The following ULK4 variants were observed in gnomAD, a reference collection of about 807,000 sequenced individuals.
ULK4 encodes the protein inactive serine/threonine-protein kinase ULK4.
Under a neutral mutation model 160.6 loss-of-function variants are expected in ULK4, and 133 were observed. That is an observed-to-expected ratio of 0.83 (90% CI 0.72 to 0.96). The LOEUF (loss-of-function observed/expected upper bound fraction) is 0.96, where lower values mean the gene tolerates loss of function less well. Among genes scored for constraint, ULK4 ranks in the 40% least tolerant of loss-of-function variants. ULK4 has a pLI of 0.00. For synonymous variants in ULK4, 534 were observed against 539.8 expected, an observed-to-expected ratio of 0.99 and a Z score of 0.15; for missense variants, 1,580 against 1,499.5, an observed-to-expected ratio of 1.05 and a Z score of -0.89.
At chr3:41,499,288 G>A (rs1225142279) in intron 32 of ULK4, among the ~76,000 whole-genome samples, 1 of 151,694 alleles carries the variant, frequency 6.6e-6, no homozygotes, top group Non-Finnish European at 1.5e-5. Context: ...ATAGACAACA[G>A]AGCTTCTTTA....
At chr3:41,323,099 G>A (rs1280836233) in intron 35 of ULK4, among the ~76,000 whole-genome samples, 6 of 151,938 alleles carry the variant, frequency 3.9e-5, no homozygotes, top group Non-Finnish European at 8.8e-5. Context: ...CACCATGCCC[G>A]GCTAATTTTG....
rs1165077494 is a variant in ULK4, at chr3:41,929,635, C to T, written c.541+2209G>A. ...TCCTAAAGCTGATAAGCAACTTCAG[C>T]AAAGTCTCAGGATACAACATCAATG... On this transcript the variant is annotated intron_variant, in intron 5 of 36. Coordinates refer to ENST00000301831, the MANE Select transcript of ULK4 (RefSeq NM_017886.4). Among the ~76,000 whole-genome samples the T allele has an allele frequency of 2.0e-5, 3 of 152,164 alleles. No individual in the cohort carries two copies. In the East Asian group the frequency reaches 5.8e-4, roughly 29 times the overall value.
At chr3:41,756,284 C>T (rs1352859463) in intron 21 of ULK4, among the ~76,000 whole-genome samples, 4 of 152,282 alleles carry the variant, frequency 2.6e-5, no homozygotes, top group Admixed American at 1.3e-4. Context: ...TTACTACAAT[C>T]GGCTTTATCT....
chr3:41,917,851 G>A (rs556569761), intron 7 of ULK4, among the ~76,000 whole-genome samples: 20 of 152,126 alleles, frequency 1.3e-4, no homozygotes, highest in Non-Finnish European at 1.6e-4. Context: ...GCCGGGTGCC[G>A]TGGTGGGCAC....
At position 41,962,012 on chromosome 3, in the gene ULK4, G is replaced by C. The variant is rs9868854; in HGVS notation, c.-49+4C>G. 0.057 allele frequency: 8,649 copies of C among 152,446 alleles called. 450 individuals carry two copies. Among genetic ancestry groups the C allele is most frequent in the East Asian group, 0.17 (855 of 5,172 alleles). 9.4% of individuals were successfully genotyped at this position (152,446 alleles called of 1,614,324 possible). On this transcript the variant is annotated splice_donor_region_variant and intron_variant, in intron 1 of 36. Transcript: ENST00000301831. ...TAGCTACTAAAACCGCCACTGCCAC[G>C]CACCTGGTAGCTAAGTCAAGAAAAG... is the stretch of plus-strand genomic sequence containing the variant.
intron 30 of ULK4, among the ~76,000 whole-genome samples, chr3:41,642,718 C>G (rs1279987121): frequency 6.6e-6 from 1 of 152,002 alleles, no homozygotes; most frequent in Non-Finnish European, 1.5e-5. Flanking sequence ...AATGGGATGG[C>G]TGGGTCAAAT....
At chr3:41,784,852 A>C (rs927153253) in intron 21 of ULK4, among the ~76,000 whole-genome samples, 2 of 152,188 alleles carry the variant, frequency 1.3e-5, no homozygotes, top group African/African-American at 2.4e-5. Flanking sequence ...TAAGATGAAA[A>C]CCTGGCTACA....
intron 32 of ULK4, among the ~76,000 whole-genome samples, chr3:41,499,328 T>C (rs2085106551): frequency 6.6e-6 from 1 of 152,138 alleles, no homozygotes; most frequent in Admixed American, 6.6e-5. Context: ...AAGAGTGCCT[T>C]GCTTTTGAAC....
intron 35 of ULK4, among the ~76,000 whole-genome samples, chr3:41,324,252 T>A (rs1037817276): frequency 2.0e-5 from 3 of 152,214 alleles, no homozygotes; most frequent in Non-Finnish European, 2.9e-5. Context: ...TGTGTCACTA[T>A]ACACCTACTG....
intron 2 of ULK4, among the ~76,000 whole-genome samples, chr3:41,940,657 CA>C (rs778506649): frequency 2.0e-5 from 3 of 151,018 alleles, no homozygotes; most frequent in Non-Finnish European, 4.4e-5. Flanking sequence ...ACCCCACCTC[CA>C]AAAAAAATAA....
At chr3:41,473,661 CAAAGAAAA>C (rs1363983230) in intron 32 of ULK4, among the ~76,000 whole-genome samples, 4 of 25,296 alleles carry the variant, frequency 1.6e-4, no homozygotes, top group Admixed American at 4.1e-4. Context: ...GATTCTGTCT[CAAAGAAAA>C]AAAAAAAAAA....
chr3:41,442,748 T>A (rs954461149), intron 34 of ULK4, among the ~76,000 whole-genome samples: 2 of 152,094 alleles, frequency 1.3e-5, no homozygotes, highest in African/African-American at 4.8e-5. Context: ...CATGAGCCAC[T>A]GCACCTGGTC....
intron 18 of ULK4, among the ~76,000 whole-genome samples, chr3:41,832,064 C>T (rs1198435110): frequency 6.6e-6 from 1 of 152,104 alleles, no homozygotes; most frequent in Non-Finnish European, 1.5e-5. Flanking sequence ...GGTTTATAAC[C>T]AGTAATGGGA....
At chr3:41,833,843 G>T (rs553916341) in intron 18 of ULK4, among the ~76,000 whole-genome samples, 8 of 151,734 alleles carry the variant, frequency 5.3e-5, no homozygotes, top group Admixed American at 5.3e-4. Flanking sequence ...ATTTAAATGC[G>T]CTTTATTTCT....
At chr3:41,764,353 A>G (rs933996653) in intron 21 of ULK4, among the ~76,000 whole-genome samples, 1 of 152,212 alleles carries the variant, frequency 6.6e-6, no homozygotes, top group African/African-American at 2.4e-5. Flanking sequence ...TAAAGTAACT[A>G]GATAACCATA....
chr3:41,502,489 G>C (rs912199595), intron 32 of ULK4, among the ~76,000 whole-genome samples: 3 of 152,082 alleles, frequency 2.0e-5, no homozygotes, highest in African/African-American at 7.2e-5. Context: ...TAAATACAAA[G>C]ACTTACATGT....
chr3:41,383,547 G>A (rs1490348909), intron 35 of ULK4, among the ~76,000 whole-genome samples: 1 of 152,172 alleles, frequency 6.6e-6, no homozygotes, highest in East Asian at 1.9e-4. Context: ...AAAGCTGCAC[G>A]GTTAAGTTGG....
At chr3:41,686,708 T>C (rs2036113124) in intron 27 of ULK4, among the ~76,000 whole-genome samples, 1 of 152,106 alleles carries the variant, frequency 6.6e-6, no homozygotes, top group Admixed American at 6.5e-5. Flanking sequence ...AGAGGAGGAC[T>C]ACTGTAAAAT....
intron 17 of ULK4, among the ~76,000 whole-genome samples, chr3:41,856,780 T>C (rs1716699): frequency 0.87 from 130,916 of 151,192 alleles, 57,069 homozygotes; most frequent in African/African-American, 0.96. Flanking sequence ...GTGGTGCACC[T>C]CTGTGGTCCC....
Sources: gnomAD v4.1 joint callset for allele counts (sites outside exome capture counted in the v4.1 genomes callset) on GRCh38, gnomAD v4.1.1 for gene constraint, MANE v1.5 for transcripts, NCBI Gene and HGNC (gene_info 2026-07-23, HGNC 2026-07-21) for gene names.